KANK1: variants seen among roughly 807,000 people sequenced by gnomAD.
KANK1 encodes KN motif and ankyrin repeat domains 1.
A neutral mutation model predicts 106.2 loss-of-function variants in KANK1; 109 were observed. That is an observed-to-expected ratio of 1.03 (90% CI 0.88 to 1.20). KANK1 has a LOEUF of 1.20. Among genes scored for constraint, KANK1 ranks in the 50% most tolerant of loss-of-function variants. The probability of loss-of-function intolerance (pLI) is 0.00; values close to 1 mark genes in which losing one functional copy is unlikely to be tolerated. For missense variants in KANK1, 2,399 were observed against 1,710.7 expected, an observed-to-expected ratio of 1.40 and a Z score of -7.10; for synonymous variants, 873 against 652.2, an observed-to-expected ratio of 1.34 and a Z score of -5.16.
intron 1 of KANK1, among the ~76,000 whole-genome samples, chr9:578,340 T>C (rs1821144394): frequency 1.3e-5 from 2 of 152,058 alleles, no homozygotes; most frequent in Non-Finnish European, 2.9e-5. Flanking sequence ...TGTGTGTGTG[T>C]GTGTGTGTGT....
intron 2 of KANK1, among the ~76,000 whole-genome samples, chr9:688,594 G>C (rs1819112089): frequency 7.4e-6 from 1 of 134,716 alleles, no homozygotes; most frequent in Non-Finnish European, 1.5e-5. Flanking sequence ...GCGAGACTCT[G>C]TCTCAAAAAA....
At chr9:590,016 C>T (rs1824447741) in intron 1 of KANK1, among the ~76,000 whole-genome samples, 1 of 152,110 alleles carries the variant, frequency 6.6e-6, no homozygotes, top group Non-Finnish European at 1.5e-5. Flanking sequence ...TAGACAGGCA[C>T]AGGAGCAGTA....
chr9:690,123 T>G, intron 2 of KANK1, among the ~76,000 whole-genome samples: 1 of 53,394 alleles, frequency 1.9e-5, no homozygotes, highest in Non-Finnish European at 5.7e-5. Context: ...CCCCATCTCT[T>G]CTAAAAATAC....
intron 2 of KANK1, among the ~76,000 whole-genome samples, chr9:472,941 G>C (rs1222341458): frequency 6.6e-6 from 1 of 152,228 alleles, no homozygotes; most frequent in Non-Finnish European, 1.5e-5. Context: ...ACCCAGCTCA[G>C]ATTACAAAAC....
intron 1 of KANK1, among the ~76,000 whole-genome samples, chr9:570,114 G>C (rs747144395): frequency 6.6e-6 from 1 of 152,008 alleles, no homozygotes; most frequent in Non-Finnish European, 1.5e-5. Context: ...TTCTGTGATG[G>C]CTTTGTTTTA....
intron 1 of KANK1, among the ~76,000 whole-genome samples, chr9:636,916 A>C (rs879612763): frequency 1.8e-4 from 28 of 152,178 alleles, no homozygotes; most frequent in Admixed American, 1.6e-3. Flanking sequence ...CAGAGAGCCA[A>C]CCTTTCCCTC....
chr9:528,216 T>C (rs546138147), intron 1 of KANK1, among the ~76,000 whole-genome samples: 11 of 152,180 alleles, frequency 7.2e-5, no homozygotes, highest in South Asian at 4.1e-4. Context: ...TTCATTTTTC[T>C]GGGCACACAA....
chr9:710,626 AAAAC>A (rs771460420), intron 2 of KANK1, among the ~76,000 whole-genome samples, 174 bp from the exon 3 acceptor site: 1 of 126,016 alleles, frequency 7.9e-6, no homozygotes, highest in African/African-American at 4.5e-5. Context: ...AAAAAAAAAA[AAAAC>A]AAAAAAAAAC....
intron 2 of KANK1, among the ~76,000 whole-genome samples, chr9:685,213 G>A (rs1417530093): frequency 1.3e-5 from 2 of 152,090 alleles, no homozygotes; most frequent in East Asian, 1.9e-4. Flanking sequence ...TTTGAAATGC[G>A]GCCCATTTGT....
In KANK1 at chr9:488,168, C is replaced by T. The variant is rs116361107; in HGVS notation, c.-362+14895C>T. On this transcript the variant is annotated intron_variant, in intron 3 of 15. Coordinates refer to the KANK1 transcript ENST00000382303. ...TCTACTCCATGAATCCCTACAAATA[C>T]GGGAGCATGTTGGGGTATGGTTCTT... Among the ~76,000 whole-genome samples the T allele has an allele frequency of 7.2e-3, 1,090 of 152,164 alleles. 9 individuals are homozygous for T. Among genetic ancestry groups the T allele is most frequent in the African/African-American group, 0.026 (1,063 of 41,514 alleles).
At chr9:556,685 C>T (rs1029776247) in intron 1 of KANK1, among the ~76,000 whole-genome samples, 2 of 17,860 alleles carry the variant, frequency 1.1e-4, no homozygotes, top group African/African-American at 4.1e-4. Context: ...TTGCTAGCCC[C>T]TTTGGTACTT....
intron 1 of KANK1, among the ~76,000 whole-genome samples, chr9:631,121 C>A (rs1335983661): frequency 1.3e-5 from 2 of 152,052 alleles, no homozygotes; most frequent in Non-Finnish European, 1.5e-5. Flanking sequence ...TTCTGTTCAG[C>A]GTTAATACGT....
intron 1 of KANK1, among the ~76,000 whole-genome samples, chr9:609,143 G>A (rs189756205): frequency 4.0e-5 from 6 of 151,866 alleles, no homozygotes; most frequent in African/African-American, 1.2e-4. Context: ...TCCATAAATA[G>A]CAATTGGCTT....
At chr9:625,778 A>G (rs893776818) in intron 1 of KANK1, among the ~76,000 whole-genome samples, 3 of 152,180 alleles carry the variant, frequency 2.0e-5, no homozygotes, top group African/African-American at 7.2e-5. Context: ...GTGCTTTAAA[A>G]AGCTGAGCCC....
chr9:509,446 C>G (rs1047245174), intron 1 of KANK1, among the ~76,000 whole-genome samples: 2 of 152,218 alleles, frequency 1.3e-5, no homozygotes, highest in Admixed American at 6.5e-5. Flanking sequence ...GTCTTCACTT[C>G]CAGTGCTTTT....
intron 3 of KANK1, among the ~76,000 whole-genome samples, chr9:480,924 A>G (rs1247977511): frequency 1.3e-5 from 2 of 152,232 alleles, no homozygotes; most frequent in African/African-American, 4.8e-5. Context: ...AATTTGGTAC[A>G]GATGCTTCTT....
chr9:742,995 C>A (rs1296273583), intron 10 of KANK1, among the ~76,000 whole-genome samples: 1 of 152,144 alleles, frequency 6.6e-6, no homozygotes, highest in Non-Finnish European at 1.5e-5. Flanking sequence ...CCAGGCTGTC[C>A]ACATTTCCAG....
chr9:731,271 G>T lies in KANK1; in HGVS notation c.3005+5G>T. 6.5e-7 allele frequency: 1 copy of T among 1,546,490 alleles called. No individual in the cohort carries two copies. The highest frequency in any genetic ancestry group is 1.1e-5 in the South Asian group (1 of 89,158). On this transcript the variant is annotated splice_donor_5th_base_variant and intron_variant, in intron 5 of 11. Transcript: ENST00000382297. ...GTTTGTTGGCATTAATGGAGGGTAA[G>T]GAAAGATGGTGGTTCTAGAGGCTAA... is the stretch of plus-strand genomic sequence containing the variant.
At chr9:517,255 C>T (rs1450872418) in intron 1 of KANK1, among the ~76,000 whole-genome samples, 1 of 151,648 alleles carries the variant, frequency 6.6e-6, no homozygotes, top group Non-Finnish European at 1.5e-5. Flanking sequence ...AGGCATGCAC[C>T]ACCATGCCTA....
Sources: allele counts gnomAD v4.1 joint callset (sites outside exome capture counted in the v4.1 genomes callset), GRCh38; gene constraint gnomAD v4.1.1; transcripts MANE v1.5; gene names NCBI Gene and HGNC (gene_info 2026-07-23, HGNC 2026-07-21).